Variants in ATG3 observed in about 807,000 individuals in gnomAD.
ATG3 encodes ubiquitin-like-conjugating enzyme ATG3.
Under a neutral mutation model 50.7 loss-of-function variants are expected in ATG3, and 25 were observed. The observed-to-expected ratio is 0.49, with a 90% CI of 0.36 to 0.69. ATG3 has a LOEUF of 0.69. ATG3 is among the 30% of genes least tolerant of loss of function. The pLI is 0.00. For missense variants in ATG3, 281 were observed against 376.0 expected, an observed-to-expected ratio of 0.75 and a Z score of 2.09; for synonymous variants, 119 against 125.5, an observed-to-expected ratio of 0.95 and a Z score of 0.34.
At chr3:112,558,344 TA>T in intron 2 of ATG3, 31 bp downstream of exon 2, 2 of 1,531,222 alleles carry the variant, frequency 1.3e-6, no homozygotes, top group South Asian at 1.2e-5. Flanking sequence ...TATTGTAAAA[TA>T]AAAAGACTTC....
chr3:112,561,590 C>G lies in ATG3; in HGVS notation c.-62G>C. The G allele has an allele frequency of 6.5e-7, 1 of 1,527,144 alleles. No individual in the cohort carries two copies. 94.6% of individuals were successfully genotyped at this position (1,527,144 alleles called of 1,614,324 possible). A position where few individuals can be genotyped will look rare whatever the true frequency, so the allele number is the denominator to read the frequency against. ...TGGAAAGTGCAGCCGTGTCAGGGGCCAGGGAGTCAGAAAATGTCCTCGCTG... is the reference window on the plus strand; with the variant it reads ...TGGAAAGTGCAGCCGTGTCAGGGGCGAGGGAGTCAGAAAATGTCCTCGCTG... On this transcript the variant is annotated 5_prime_UTR_variant, in exon 1 of 12. Coordinates refer to ENST00000283290, the MANE Select transcript of ATG3 (RefSeq NM_022488.5).
intron 2 of ATG3, among the ~76,000 whole-genome samples, chr3:112,554,964 C>T (rs553712101): frequency 1.2e-4 from 18 of 152,124 alleles, no homozygotes; most frequent in South Asian, 4.1e-4. Flanking sequence ...TAGTCTCTTC[C>T]CCAAATTTTG....
chr3:112,552,111 C>A lies in ATG3; in HGVS notation c.164+1169G>T, dbSNP rs151124676. On this transcript the variant is annotated intron_variant, in intron 3 of 11. Coordinates refer to ENST00000283290, the MANE Select transcript of ATG3 (RefSeq NM_022488.5). ...TTGGAAACTTATTAATTATAGAATT[C>A]CTATCCCCAGTCAAAACTGTACCTT... Among the ~76,000 whole-genome samples the A allele has an allele frequency of 2.8e-3, 433 of 152,228 alleles. 4 individuals carry two copies. The highest frequency in any genetic ancestry group is 1.0e-2 in the African/African-American group (414 of 41,552).
rs377148518 is a variant in ATG3 at position 112,548,514 on chromosome 3, C to T, written c.343+19G>A. On this transcript the variant is annotated intron_variant, in intron 5 of 11. Coordinates refer to ENST00000283290, the MANE Select transcript of ATG3 (RefSeq NM_022488.5). The stretch of plus-strand genomic sequence containing the variant: ...AGTTTAATTTAAACTAAATATATGT[C>T]ATTTTATTCTCCTCTTACCTGTGTT... 77 of 1,561,058 alleles carry T rather than the reference C, an allele frequency of 4.9e-5. No individual in the cohort carries two copies. Among genetic ancestry groups the T allele is most frequent in the Non-Finnish European group, 6.4e-5 (73 of 1,132,580 alleles).
At chr3:112,533,839 A>C in intron 11 of ATG3, 1 of 988,476 alleles carries the variant, frequency 1.0e-6, no homozygotes, top group African/African-American at 1.7e-5. Context: ...AAGAATATCT[A>C]AAGCACTTCA....
Position 112,561,659 on chromosome 3 carries a change from C to A in ATG3, c.-131G>T. On this transcript the variant is annotated 5_prime_UTR_variant, in exon 1 of 12. Coordinates refer to ENST00000283290, the MANE Select transcript of ATG3 (RefSeq NM_022488.5). ...ACCCGGCTGGCAGCACCCGAGGGGA[C>A]GGGACGCGACGCGACGGGACGGGCG... 2.5e-6 allele frequency: 2 copies of A among 816,314 alleles called. No homozygotes were observed. Among genetic ancestry groups the A allele is most frequent in the South Asian group, 3.3e-5 (2 of 60,894 alleles). The allele number at this position is 816,314 out of a possible 1,614,324, so 50.6% of individuals were successfully genotyped here.
rs1400626608 is a variant in ATG3 at position 112,561,890 on chromosome 3, C to A, written c.-362G>T. ...GTCTGTCCTCGCTTTGCTTCACTCGCGCCCCTTCCGGCTTCCCTTCCTTCT... is the reference window on the plus strand; with the variant it reads ...GTCTGTCCTCGCTTTGCTTCACTCGAGCCCCTTCCGGCTTCCCTTCCTTCT... On this transcript the variant is annotated 5_prime_UTR_variant, in exon 1 of 12. Transcript: ENST00000283290. 44 of 256,282 alleles carry A rather than the reference C, an allele frequency of 1.7e-4. No individual in the cohort carries two copies. The highest frequency in any genetic ancestry group is 2.3e-5 in the Non-Finnish European group (3 of 133,082). 15.9% of individuals were successfully genotyped at this position (256,282 alleles called of 1,614,324 possible).
At chr3:112,538,996 CTA>C (rs1351074428) in intron 7 of ATG3, among the ~76,000 whole-genome samples, 1 of 152,166 alleles carries the variant, frequency 6.6e-6, no homozygotes, top group Non-Finnish European at 1.5e-5. Flanking sequence ...TCACCCTTGA[CTA>C]TTCCACTTGT....
intron 7 of ATG3, among the ~76,000 whole-genome samples, chr3:112,540,651 G>T (rs530881514): frequency 6.6e-6 from 1 of 151,152 alleles, no homozygotes; most frequent in Non-Finnish European, 1.5e-5. Context: ...AGAAACCCAC[G>T]GAACAGTAAC....
Position 112,538,186 on chromosome 3 carries a change from A to T in ATG3, c.476-6T>A. On this transcript the variant is annotated splice_region_variant and splice_polypyrimidine_tract_variant and intron_variant, in intron 7 of 11. Coordinates refer to ENST00000283290, the MANE Select transcript of ATG3 (RefSeq NM_022488.5). ...CAATCCACTCTCTTCATATTCTGTT[A>T]TAAAAAAACAACAAAAGATTAATCA... The T allele has an allele frequency of 6.4e-7, 1 of 1,572,090 alleles. No homozygotes were observed. Among genetic ancestry groups the T allele is most frequent in the Non-Finnish European group, 8.6e-7 (1 of 1,156,930 alleles).
chr3:112,536,041 A>T (rs1933036325), intron 10 of ATG3: 1 of 169,572 alleles, frequency 5.9e-6, no homozygotes, highest in South Asian at 1.5e-4. Context: ...TCCCTTCACT[A>T]ATCAATAAAA....
intron 1 of ATG3, among the ~76,000 whole-genome samples, chr3:112,560,459 T>C (rs577805094): frequency 6.6e-6 from 1 of 152,308 alleles, no homozygotes; most frequent in Non-Finnish European, 1.5e-5. Flanking sequence ...AGTATAGACC[T>C]AGTACTTCCC....
intron 2 of ATG3, among the ~76,000 whole-genome samples, chr3:112,553,731 C>A (rs1933589475): frequency 6.6e-6 from 1 of 152,016 alleles, no homozygotes; most frequent in African/African-American, 2.4e-5. Flanking sequence ...ACTGAAAATA[C>A]AATAAAAATC....
chr3:112,536,226 A>C (rs938329991), intron 10 of ATG3: 2 of 419,970 alleles, frequency 4.8e-6, no homozygotes, highest in Middle Eastern at 6.9e-4. Flanking sequence ...AGATCCATCT[A>C]TTCTATAAAC....
chr3:112,561,616 C>A lies in ATG3; in HGVS notation c.-88G>T, dbSNP rs376864739. ...AGGGAGTCAGAAAATGTCCTCGCTG[C>A]CACCGACTCGCATCAGCACCCGGCT... On this transcript the variant is annotated 5_prime_UTR_variant, in exon 1 of 12. Coordinates refer to ENST00000283290, the MANE Select transcript of ATG3 (RefSeq NM_022488.5). The A allele has an allele frequency of 1.6e-4, 222 of 1,354,226 alleles. No homozygotes were observed. In the African/African-American group the frequency reaches 2.4e-3, roughly 14 times the overall value. 83.9% of individuals were successfully genotyped at this position (1,354,226 alleles called of 1,614,324 possible).
chr3:112,533,983 A>T, intron 11 of ATG3: 1 of 1,158,440 alleles, frequency 8.6e-7, no homozygotes, highest in Non-Finnish European at 1.1e-6. Flanking sequence ...TTAAACTGGA[A>T]ATGTACATAA....
At position 112,550,180 on chromosome 3, in the gene ATG3, C is replaced by A; in HGVS notation, c.235+12G>T. 6.3e-7 allele frequency: 1 copy of A among 1,593,656 alleles called. No homozygotes were observed. Among genetic ancestry groups the A allele is most frequent in the East Asian group, 2.2e-5 (1 of 44,578 alleles). On this transcript the variant is annotated intron_variant, in intron 4 of 11. Coordinates refer to ENST00000283290, the MANE Select transcript of ATG3 (RefSeq NM_022488.5). ...ACGCAAAATTTATTCATATATGCAA[C>A]ATAATTCTTACCATTTTTGGTTACC...
In ATG3 at chr3:112,561,670, G is replaced by A. The variant is rs1223124060; in HGVS notation, c.-142C>T. ...AGCACCCGAGGGGACGGGACGCGACGCGACGGGACGGGCGGGACGAGGGGG... is the reference window on the plus strand; with the variant it reads ...AGCACCCGAGGGGACGGGACGCGACACGACGGGACGGGCGGGACGAGGGGG... On this transcript the variant is annotated 5_prime_UTR_variant, in exon 1 of 12. Transcript: ENST00000283290. 1.2e-6 allele frequency: 1 copy of A among 824,646 alleles called. No individual in the cohort carries two copies. The highest frequency in any genetic ancestry group is 1.9e-6 in the Non-Finnish European group (1 of 536,722). 51.1% of individuals were successfully genotyped at this position (824,646 alleles called of 1,614,324 possible). A position where few individuals can be genotyped will look rare whatever the true frequency, so the allele number is the denominator to read the frequency against.
At chr3:112,554,779 T>C (rs1381830210) in intron 2 of ATG3, among the ~76,000 whole-genome samples, 1 of 152,240 alleles carries the variant, frequency 6.6e-6, no homozygotes, top group African/African-American at 2.4e-5. Context: ...CTAGTTTAAT[T>C]TGAGCATATA....
Sources: gnomAD v4.1 joint callset for allele counts (sites outside exome capture counted in the v4.1 genomes callset) on GRCh38, gnomAD v4.1.1 for gene constraint, MANE v1.5 for transcripts, NCBI Gene and HGNC (gene_info 2026-07-23, HGNC 2026-07-21) for gene names.